Variants in PEX5L observed in about 807,000 individuals in gnomAD.
PEX5L encodes peroxisomal biogenesis factor 5 like, also known as PEX5-related protein.
PEX5L carries 30 observed loss-of-function variants against 84.0 expected under a neutral mutation model. That is an observed-to-expected ratio of 0.36 (90% CI 0.27 to 0.48). The LOEUF (loss-of-function observed/expected upper bound fraction) is 0.48, where lower values mean the gene tolerates loss of function less well. Among genes scored for constraint, PEX5L ranks in the 20% least tolerant of loss-of-function variants. The pLI is 0.99. For missense variants in PEX5L, 533 were observed against 754.6 expected (o/e 0.71, Z 3.44); for synonymous variants, 270 against 283.1 (o/e 0.95, Z 0.46).
chr3:179,892,251 A>G (rs975280037), intron 3 of PEX5L, among the ~76,000 whole-genome samples: 1 of 152,104 alleles, frequency 6.6e-6, no homozygotes, highest in African/African-American at 2.4e-5. Flanking sequence ...TATTTGGATC[A>G]GTTCAAAGAA....
intron 1 of PEX5L, among the ~76,000 whole-genome samples, chr3:180,036,121 A>C (rs1791885046): frequency 6.6e-6 from 1 of 152,198 alleles, no homozygotes; most frequent in South Asian, 2.1e-4. Context: ...ATCGTTTTTT[A>C]AATATAACAC....
chr3:179,822,164 C>T (rs1475759373), intron 8 of PEX5L, among the ~76,000 whole-genome samples: 1 of 152,142 alleles, frequency 6.6e-6, no homozygotes, highest in Admixed American at 6.5e-5. Context: ...GCTGACTTTC[C>T]CAGACTCCCA....
At chr3:179,879,403 A>T (rs1753478925) in intron 5 of PEX5L, among the ~76,000 whole-genome samples, 1 of 152,204 alleles carries the variant, frequency 6.6e-6, no homozygotes, top group South Asian at 2.1e-4. Flanking sequence ...GGTTCCTCAG[A>T]TGTTTCAAAG....
rs1284730167 is a variant in PEX5L at position 179,796,516 on chromosome 3, T to G, written c.*5312A>C. On this transcript the variant is annotated 3_prime_UTR_variant, in exon 15 of 15. Transcript: ENST00000467460. ...AACCTCACAGTTTAATTTTCTGTGT[T>G]TTTTTTTTTCCTCTTAACTGTTTAA... The G allele has an allele frequency of 6.9e-6, 1 of 144,810 alleles. No homozygotes were observed. Among genetic ancestry groups the G allele is most frequent in the Non-Finnish European group, 1.5e-5 (1 of 66,852 alleles). The allele number at this position is 144,810 out of a possible 1,614,324, so 9.0% of individuals were successfully genotyped here.
chr3:179,879,798 G>T, intron 5 of PEX5L, 131 bp downstream of exon 5: 1 of 588,850 alleles, frequency 1.7e-6, no homozygotes, highest in Non-Finnish European at 2.9e-6. Context: ...GCTATGTCCT[G>T]TCCAGTTTCC....
chr3:179,843,097 C>T lies in PEX5L; in HGVS notation c.822+15965G>A, dbSNP rs1737919846. Reference sequence around the variant, plus strand: ...GACTGCAAGACATCGAAATAGGTTACCTAGGAAAGTTTTGGAATATTCTTT... The same window carrying T: ...GACTGCAAGACATCGAAATAGGTTATCTAGGAAAGTTTTGGAATATTCTTT... On this transcript the variant is annotated intron_variant, in intron 8 of 14. Transcript: ENST00000467460. Among the ~76,000 whole-genome samples the T allele has an allele frequency of 2.6e-5, 4 of 151,972 alleles. No homozygotes were observed. In the South Asian group the frequency reaches 6.3e-4, roughly 24 times the overall value.
chr3:179,902,000 C>T (rs1036427747), intron 2 of PEX5L: 1 of 152,274 alleles, frequency 6.6e-6, no homozygotes, highest in Admixed American at 6.5e-5. Flanking sequence ...GTAGAACCAC[C>T]AGATGCTTCA....
chr3:179,829,943 ATTTTTTTTTTT>A lies in PEX5L; in HGVS notation c.823-9978_823-9968del, dbSNP rs11352022. On this transcript the variant is annotated intron_variant, in intron 8 of 14. Transcript: ENST00000467460. ...AGGAGCCTGCCACCAGGCCTGGCTA[ATTTTTTTTTTT>A]TTTTTTTTTTTTTTGTATTTTTAGT... Among the ~76,000 whole-genome samples, 45 of 83,630 alleles carry A rather than the reference ATTTTTTTTTTT, an allele frequency of 5.4e-4. 1 individual carries two copies. The highest frequency in any genetic ancestry group is 1.4e-3 in the African/African-American group (29 of 20,510). 54.9% of individuals were successfully genotyped at this position (83,630 alleles called of 152,430 possible). A position where few individuals can be genotyped will look rare whatever the true frequency, so the allele number is the denominator to read the frequency against.
chr3:179,816,554 A>C (rs1383335017), intron 9 of PEX5L, among the ~76,000 whole-genome samples: 1 of 151,606 alleles, frequency 6.6e-6, no homozygotes, highest in Non-Finnish European at 1.5e-5. Flanking sequence ...ACGTGGACAC[A>C]GGGAGGGGAA....
At chr3:179,813,937 A>G (rs1190755680) in intron 10 of PEX5L, among the ~76,000 whole-genome samples, 1 of 150,740 alleles carries the variant, frequency 6.6e-6, no homozygotes, top group Non-Finnish European at 1.5e-5. Flanking sequence ...CGGCCTCCCA[A>G]AGTGCTGGGA....
intron 8 of PEX5L, among the ~76,000 whole-genome samples, chr3:179,856,953 G>A (rs1311708546): frequency 6.6e-6 from 1 of 152,172 alleles, no homozygotes; most frequent in Non-Finnish European, 1.5e-5. Context: ...TGTCCAAATT[G>A]GTCCTGTGGA....
chr3:180,013,645 T>C (rs1407226592), intron 1 of PEX5L, among the ~76,000 whole-genome samples: 1 of 152,182 alleles, frequency 6.6e-6, no homozygotes, highest in Non-Finnish European at 1.5e-5. Flanking sequence ...TTGTATGTGA[T>C]ATGCTTAGTA....
chr3:180,014,059 T>A (rs1478543887), intron 1 of PEX5L, among the ~76,000 whole-genome samples: 2 of 152,198 alleles, frequency 1.3e-5, no homozygotes, highest in African/African-American at 4.8e-5. Flanking sequence ...GAGTAATGCA[T>A]CCATGCTCAT....
At chr3:179,965,051 G>C (rs1335739446) in intron 2 of PEX5L, among the ~76,000 whole-genome samples, 5 of 152,216 alleles carry the variant, frequency 3.3e-5, no homozygotes, top group Admixed American at 3.3e-4. Context: ...CACTGTGTAA[G>C]AGTGATACAC....
In PEX5L at chr3:179,938,009, C is replaced by G. The variant is rs1039700649; in HGVS notation, c.93+33585G>C. ...TCCACCACCTCCTCCATCTCTACCT[C>G]CACCACCACCGTCACCACTACCTTC... On this transcript the variant is annotated intron_variant, in intron 2 of 14. Transcript: ENST00000467460. Among the ~76,000 whole-genome samples the G allele has an allele frequency of 4.6e-5, 7 of 152,058 alleles. No individual in the cohort carries two copies. The South Asian group carries it at 1.5e-3, about 32-fold the overall frequency.
intron 1 of PEX5L, among the ~76,000 whole-genome samples, chr3:180,017,174 A>C (rs1426347030): frequency 6.6e-6 from 1 of 152,180 alleles, no homozygotes; most frequent in Non-Finnish European, 1.5e-5. Context: ...CCACTACGCC[A>C]CCATATTTTT....
At chr3:179,822,832 G>A (rs1238084685) in intron 8 of PEX5L, among the ~76,000 whole-genome samples, 1 of 152,150 alleles carries the variant, frequency 6.6e-6, no homozygotes, top group East Asian at 1.9e-4. Context: ...ATAAAATATA[G>A]TACATACTCA....
At chr3:179,864,892 G>A (rs554362496) in intron 7 of PEX5L, among the ~76,000 whole-genome samples, 2 of 152,310 alleles carry the variant, frequency 1.3e-5, no homozygotes, top group South Asian at 4.1e-4. Flanking sequence ...AATGGCAGTA[G>A]AGGAAAGTGA....
At chr3:179,974,285 G>A in intron 1 of PEX5L, 3 of 682,096 alleles carry the variant, frequency 4.4e-6, no homozygotes, top group Non-Finnish European at 5.4e-6. Flanking sequence ...TCTGTGGGAG[G>A]AGAAGCCACA....
Sources: gnomAD v4.1 joint callset for allele counts (sites outside exome capture counted in the v4.1 genomes callset) on GRCh38, gnomAD v4.1.1 for gene constraint, MANE v1.5 for transcripts, NCBI Gene and HGNC (gene_info 2026-07-23, HGNC 2026-07-21) for gene names.